TMBIM1: variants seen among roughly 807,000 people sequenced by gnomAD.
The protein encoded by TMBIM1 is protein lifeguard 3.
TMBIM1 carries 34 observed loss-of-function variants against 45.1 expected under a neutral mutation model. The observed-to-expected ratio is 0.75, with a 90% confidence interval of 0.57 to 1.00. The LOEUF (loss-of-function observed/expected upper bound fraction) is 1.00. TMBIM1 is among the 50% of genes least tolerant of loss of function. The probability of loss-of-function intolerance (pLI) is 0.00; values close to 1 mark genes in which losing one functional copy is unlikely to be tolerated. For synonymous variants in TMBIM1, 157 were observed against 153.5 expected (o/e 1.02, Z -0.17); for missense variants, 374 against 402.4 (o/e 0.93, Z 0.60).
In TMBIM1 at chr2:218,274,401, G is replaced by A. The variant is rs1307985517; in HGVS notation, c.*1074C>T. 1.3e-5 allele frequency: 2 copies of A among 154,794 alleles called. No individual in the cohort carries two copies. The allele number at this position is 154,794 out of a possible 1,614,324, so 9.6% of individuals were successfully genotyped here. Reference sequence around the variant, plus strand: ...ATTACAAAGAAGGCAGTGGCTGGCTGGAGAGATGGGCCTCAAGTCAGAAAT... The same window carrying A: ...ATTACAAAGAAGGCAGTGGCTGGCTAGAGAGATGGGCCTCAAGTCAGAAAT... On this transcript the variant is annotated 3_prime_UTR_variant, in exon 12 of 12. Coordinates refer to ENST00000258412, the MANE Select transcript of TMBIM1 (RefSeq NM_022152.6).
chr2:218,275,981 C>A, intron 11 of TMBIM1, 45 bp downstream of exon 11: 1 of 1,588,312 alleles, frequency 6.3e-7, no homozygotes. Context: ...AGATTCCTCC[C>A]CTCATCCCCT....
chr2:218,282,210 T>A, intron 1 of TMBIM1, 29 bp from the exon 2 acceptor site: 1 of 1,291,010 alleles, frequency 7.7e-7, no homozygotes, highest in Non-Finnish European at 1.0e-6. Context: ...AAAGCAATCG[T>A]GAATGCCCAG....
At chr2:218,279,117 A>G (rs371708041) in intron 4 of TMBIM1, 26 bp from the exon 5 acceptor site, 2 of 1,613,808 alleles carry the variant, frequency 1.2e-6, no homozygotes, top group Non-Finnish European at 8.5e-7. Context: ...GGACAGGAGT[A>G]GTCACCCTGA....
intron 10 of TMBIM1, 111 bp downstream of exon 10, chr2:218,276,893 C>G: frequency 1.2e-6 from 1 of 834,874 alleles, no homozygotes; most frequent in South Asian, 1.5e-5. Context: ...TCGAGAGGTT[C>G]TGGAGGTCAG....
chr2:218,275,429 C>G lies in TMBIM1; in HGVS notation c.*46G>C, dbSNP rs1219945200. On this transcript the variant is annotated 3_prime_UTR_variant, in exon 12 of 12. Transcript: ENST00000258412. ...ACAGTCATAGGGCCCAGCCCTCTAG[C>G]TTGGAAGGGAGAGCCCAGGATCGGG... 1 of 1,587,440 alleles carries G rather than the reference C, an allele frequency of 6.3e-7. No individual in the cohort carries two copies. Among genetic ancestry groups the G allele is most frequent in the African/African-American group, 1.3e-5 (1 of 74,570 alleles).
intron 6 of TMBIM1, chr2:218,278,305 G>T (rs1314587075): frequency 1.6e-6 from 1 of 620,254 alleles, no homozygotes; most frequent in African/African-American, 1.8e-5. Flanking sequence ...TACCTGTCTT[G>T]CAGGGTTACT....
chr2:218,291,090 CA>C (rs1692900262), intron 1 of TMBIM1, among the ~76,000 whole-genome samples: 1 of 152,166 alleles, frequency 6.6e-6, no homozygotes. Context: ...CACCCATTCC[CA>C]GGGGAGGAGG....
Position 218,279,067 on chromosome 2 carries a change from C to G in TMBIM1, c.393G>C (p.Arg131Ser), listed in dbSNP as rs759543911. The change falls in exon 5 of 12, where the codon AGG becomes AGC. Residue 131 changes from arginine (R) to serine (S), a missense_variant. Coordinates refer to ENST00000258412, the MANE Select transcript of TMBIM1 (RefSeq NM_022152.6). ...TFVEPVSAFV[R>S]RNVAVYYVSY... ...ACACGTAGTAGACAGCCACATTTCTCCTCACAAAGGCGCTGACAGGTTCCC... is the reference window on the plus strand; with the variant it reads ...ACACGTAGTAGACAGCCACATTTCTGCTCACAAAGGCGCTGACAGGTTCCC... 6.2e-7 allele frequency: 1 copy of G among 1,614,050 alleles called. No homozygotes were observed. Among genetic ancestry groups the G allele is most frequent in the Admixed American group, 1.7e-5 (1 of 60,000 alleles).
At chr2:218,280,340 C>T (rs1333961919) in intron 2 of TMBIM1, 8 of 507,974 alleles carry the variant, frequency 1.6e-5, no homozygotes, top group African/African-American at 5.8e-5. Context: ...ACGTTCCTCA[C>T]GTGCATCTGT....
At chr2:218,282,506 T>A (rs755457252) in intron 1 of TMBIM1, among the ~76,000 whole-genome samples, 2 of 152,182 alleles carry the variant, frequency 1.3e-5, no homozygotes, top group Non-Finnish European at 2.9e-5. Flanking sequence ...AAGAAAACCT[T>A]CCAGTTTTGG....
At chr2:218,280,190 T>C in intron 2 of TMBIM1, 64 bp from the exon 3 acceptor site, 1 of 1,166,620 alleles carries the variant, frequency 8.6e-7, no homozygotes, top group South Asian at 1.2e-5. Context: ...TCCCAAAGCC[T>C]CCCTGACAAT....
rs1454009855 is a variant in TMBIM1 at position 218,277,014 on chromosome 2, T to C, written c.725A>G (p.Tyr242Cys). 6.2e-7 allele frequency: 1 copy of C among 1,613,782 alleles called. No homozygotes were observed. Among genetic ancestry groups the C allele is most frequent in the African/African-American group, 1.3e-5 (1 of 74,902 alleles). ...TCCTGGGACACTCACGTATTGGAAG[T>C]AGAGCACAATGCTAGTGACAATCCC... ...VTGIVTSIVL[Y>C]FQYVYWLHML... The change falls in exon 10 of 12, where the codon TAC becomes TGC. Residue 242 changes from tyrosine to cysteine, a missense_variant. Tyr to Cys is a radical substitution (Grantham distance 194, BLOSUM62 -2). Coordinates refer to ENST00000258412, the MANE Select transcript of TMBIM1 (RefSeq NM_022152.6).
intron 1 of TMBIM1, among the ~76,000 whole-genome samples, chr2:218,288,271 T>C (rs1055282355): frequency 2.6e-5 from 4 of 151,956 alleles, no homozygotes; most frequent in Non-Finnish European, 5.9e-5. Context: ...TACTAAAAAA[T>C]ACAAAAAATT....
At chr2:218,282,489 G>T (rs894469125) in intron 1 of TMBIM1, among the ~76,000 whole-genome samples, 2 of 152,264 alleles carry the variant, frequency 1.3e-5, no homozygotes, top group African/African-American at 4.8e-5. Flanking sequence ...ACTCCCTGTT[G>T]TGGTTTAAGA....
Position 218,278,135 on chromosome 2 carries a change from C to T in TMBIM1, c.474-161G>A, listed in dbSNP as rs182369993. On this transcript the variant is annotated intron_variant, in intron 6 of 11. Coordinates refer to ENST00000258412, the MANE Select transcript of TMBIM1 (RefSeq NM_022152.6). ...CTTTGGCACCTGTTCAGGTGTGGTA[C>T]GCAGGGACAACATGGGCCAATGAGA... 353 of 757,992 alleles carry T rather than the reference C, an allele frequency of 4.7e-4. 1 individual carries two copies. In the African/African-American group the frequency reaches 5.1e-3, roughly 11 times the overall value. 47.0% of individuals were successfully genotyped at this position (757,992 alleles called of 1,614,324 possible).
intron 1 of TMBIM1, chr2:218,285,809 G>C (rs567871779): frequency 6.5e-6 from 1 of 152,774 alleles, no homozygotes; most frequent in South Asian, 2.1e-4. Context: ...GAGCCTCCGG[G>C]GACCAGGGCT....
rs1205739116 is a variant in TMBIM1 at position 218,275,411 on chromosome 2, T to C, written c.*64A>G. On this transcript the variant is annotated 3_prime_UTR_variant, in exon 12 of 12. Transcript: ENST00000258412. ...GGGCCTAAAGCCCAGACCACAGTCA[T>C]AGGGCCCAGCCCTCTAGCTTGGAAG... 6 of 1,555,162 alleles carry C rather than the reference T, an allele frequency of 3.9e-6. No individual in the cohort carries two copies. The highest frequency in any genetic ancestry group is 2.7e-5 in the African/African-American group (2 of 73,018).
At chr2:218,276,536 G>A (rs938440424) in intron 10 of TMBIM1, among the ~76,000 whole-genome samples, 2 of 152,136 alleles carry the variant, frequency 1.3e-5, no homozygotes, top group African/African-American at 2.4e-5. Context: ...GTCCACAGAA[G>A]GACAGAGCTG....
intron 1 of TMBIM1, chr2:218,289,826 CT>C (rs1480343320): frequency 6.6e-6 from 1 of 152,188 alleles, no homozygotes; most frequent in African/African-American, 2.4e-5. Context: ...CAGTATGGGG[CT>C]GTCCACACCC....
Sources: allele counts gnomAD v4.1 joint callset (sites outside exome capture counted in the v4.1 genomes callset), GRCh38; gene constraint gnomAD v4.1.1; transcripts MANE v1.5; gene names NCBI Gene and HGNC (gene_info 2026-07-23, HGNC 2026-07-21).